Variants in TRABD2B observed in about 807,000 individuals in gnomAD.
The protein encoded by TRABD2B is TraB domain containing 2B.
TRABD2B carries 14 observed loss-of-function variants against 40.1 expected under a neutral mutation model. That is an observed-to-expected ratio of 0.35 (90% CI 0.23 to 0.55). The LOEUF is 0.55. Ranked by LOEUF, TRABD2B falls within the 20% of genes least tolerant of loss-of-function variation. The pLI is 0.90. For missense variants in TRABD2B, 541 were observed against 648.6 expected (o/e 0.83, Z 1.80); for synonymous variants, 263 against 277.0 (o/e 0.95, Z 0.50).
chr1:47,881,750 C>T (rs938125606), intron 2 of TRABD2B, among the ~76,000 whole-genome samples: 1 of 152,180 alleles, frequency 6.6e-6, no homozygotes. Flanking sequence ...GCCAGGCTAT[C>T]TTTTTCACTA....
rs1217256137 is a variant in TRABD2B at position 47,956,838 on chromosome 1, G to C, written c.666+37196C>G. 9.2e-5 allele frequency among the ~76,000 whole-genome samples: 14 copies of C among 152,354 alleles called. No homozygotes were observed. The East Asian group carries it at 2.7e-3, about 29-fold the overall frequency. ...TCTGCAGACTTAAACGTCCCTGTCTGACAGCTTTGAAGAGAGTAGTGGTTC... is the reference window on the plus strand; with the variant it reads ...TCTGCAGACTTAAACGTCCCTGTCTCACAGCTTTGAAGAGAGTAGTGGTTC... On this transcript the variant is annotated intron_variant, in intron 2 of 6. Transcript: ENST00000606738.
rs926498175 is a variant in TRABD2B, at chr1:47,996,746, G to A, written c.44C>T (p.Ala15Val). ...GGGCTGCGGGCGGGCGCGAGCGGTG[G>A]CGAGGAGGGCGGCGAGCAGCGGCCC... Reference protein sequence around the residue: ...LAGPLLAALLATARARPQPPD... With the variant: ...LAGPLLAALLVTARARPQPPD... The change falls in exon 1 of 7, where the codon GCC becomes GTC. Residue 15 changes from alanine to valine, a missense_variant. This residue lies in a region of TRABD2B where 369 missense variants were observed against 492.8 expected (regional missense o/e 0.75). Transcript: ENST00000606738. This position sits in a 1 kb window ranked among gnomAD's most constrained non-coding sequence, Gnocchi z 4.6. 18 of 1,223,466 alleles carry A rather than the reference G, an allele frequency of 1.5e-5. No individual in the cohort carries two copies. The highest frequency in any genetic ancestry group is 1.8e-5 in the Non-Finnish European group (18 of 982,096). The allele number at this position is 1,223,466 out of a possible 1,614,324, so 75.8% of individuals were successfully genotyped here.
intron 2 of TRABD2B, among the ~76,000 whole-genome samples, chr1:47,878,247 C>T (rs1407547153): frequency 2.0e-5 from 3 of 151,962 alleles, no homozygotes; most frequent in South Asian, 2.1e-4. Context: ...ACCCGAGAAG[C>T]GGAGGTTGCA....
At chr1:47,918,148 C>T (rs1038324524) in intron 2 of TRABD2B, among the ~76,000 whole-genome samples, 2 of 152,190 alleles carry the variant, frequency 1.3e-5, no homozygotes, top group South Asian at 2.1e-4. Flanking sequence ...CCTTGAAGTG[C>T]CCTGAGTGGA....
At chr1:47,840,421 G>A (rs1185774617) in intron 2 of TRABD2B, among the ~76,000 whole-genome samples, 1 of 152,178 alleles carries the variant, frequency 6.6e-6, no homozygotes, top group Non-Finnish European at 1.5e-5. Context: ...ATGATTCCAA[G>A]GCAAATCCCC....
At position 47,761,057 on chromosome 1, in the gene TRABD2B, T is replaced by C. The variant is rs1036014802; in HGVS notation, c.*4845A>G. 1 of 152,186 alleles carries C rather than the reference T, an allele frequency of 6.6e-6. No individual in the cohort carries two copies. Among genetic ancestry groups the C allele is most frequent in the African/African-American group, 2.4e-5 (1 of 41,410 alleles). The allele number at this position is 152,186 out of a possible 1,614,324, so 9.4% of individuals were successfully genotyped here. ...CCTGGGAAGAAAGCCAAGCACCTCA[T>C]CTCCATGGAGGCCCAAGATTGTCCA... On this transcript the variant is annotated 3_prime_UTR_variant, in exon 7 of 7. Transcript: ENST00000606738.
intron 2 of TRABD2B, among the ~76,000 whole-genome samples, chr1:47,841,573 G>A (rs918757567): frequency 1.3e-5 from 2 of 152,114 alleles, no homozygotes; most frequent in African/African-American, 2.4e-5. Flanking sequence ...TTACACTGCC[G>A]AGGAGCTCCT....
In TRABD2B at chr1:47,786,913, C is replaced by T. The variant is rs1351791424; in HGVS notation, c.988+7673G>A. Among the ~76,000 whole-genome samples, 6 of 152,102 alleles carry T rather than the reference C, an allele frequency of 3.9e-5. No homozygotes were observed. In the East Asian group the frequency reaches 1.2e-3, roughly 29 times the overall value. On this transcript the variant is annotated intron_variant, in intron 4 of 6. Transcript: ENST00000606738. ...AGAAATGGGGTCTTGGGATATTGCC[C>T]AGGCTGGTCTCAAACTCCTGGCTTC...
In TRABD2B at chr1:47,761,836, CCTT is replaced by C. The variant is rs761716082; in HGVS notation, c.*4063_*4065del. 6 of 152,356 alleles carry C rather than the reference CCTT, an allele frequency of 3.9e-5. No homozygotes were observed. The highest frequency in any genetic ancestry group is 6.5e-5 in the Admixed American group (1 of 15,284). 9.4% of individuals were successfully genotyped at this position (152,356 alleles called of 1,614,324 possible). ...TGGTGGAACTAAGGTCTGCCTCTCT[CCTT>C]CTTTTCTGCCTTCATTCCTTTCTTC... is the stretch of plus-strand genomic sequence containing the variant. On this transcript the variant is annotated 3_prime_UTR_variant, in exon 7 of 7. Transcript: ENST00000606738.
intron 2 of TRABD2B, among the ~76,000 whole-genome samples, chr1:47,880,927 T>A (rs1261339407): frequency 6.6e-6 from 1 of 152,140 alleles, no homozygotes; most frequent in Non-Finnish European, 1.5e-5. Context: ...CTCGCAGCAG[T>A]GAGAACAGCA....
At chr1:47,961,377 T>A (rs931083561) in intron 2 of TRABD2B, among the ~76,000 whole-genome samples, 14 of 152,118 alleles carry the variant, frequency 9.2e-5, no homozygotes, top group African/African-American at 3.4e-4. Flanking sequence ...CTAATTAAAC[T>A]AAAGAGCTTC....
intron 4 of TRABD2B, among the ~76,000 whole-genome samples, chr1:47,786,339 C>T (rs1366510132): frequency 6.6e-6 from 1 of 152,242 alleles, no homozygotes; most frequent in Non-Finnish European, 1.5e-5. Context: ...TTTGTACATT[C>T]TCCTTCACTG....
At chr1:47,844,034 C>A (rs920134749) in intron 2 of TRABD2B, among the ~76,000 whole-genome samples, 1 of 152,166 alleles carries the variant, frequency 6.6e-6, no homozygotes, top group African/African-American at 2.4e-5. Context: ...GTCTTTGAAC[C>A]CCACAAGGAA....
At chr1:47,812,963 G>A (rs993950218) in intron 2 of TRABD2B, among the ~76,000 whole-genome samples, 2 of 152,156 alleles carry the variant, frequency 1.3e-5, no homozygotes, top group Admixed American at 6.5e-5. Flanking sequence ...TCAGAGATGA[G>A]CTGACTGAGG....
intron 2 of TRABD2B, among the ~76,000 whole-genome samples, chr1:47,934,427 T>C (rs1358994968): frequency 6.6e-6 from 1 of 152,226 alleles, no homozygotes; most frequent in Admixed American, 6.5e-5. Context: ...TGCTGCTGCA[T>C]CACTCACAGA....
intron 2 of TRABD2B, among the ~76,000 whole-genome samples, chr1:47,894,895 C>T (rs1039564545): frequency 1.4e-4 from 21 of 152,096 alleles, no homozygotes; most frequent in African/African-American, 4.3e-4. Context: ...AGTGGCCAGA[C>T]GTGGCCACAG....
chr1:47,872,667 A>G (rs866051623), intron 2 of TRABD2B, among the ~76,000 whole-genome samples: 7 of 152,210 alleles, frequency 4.6e-5, no homozygotes, highest in Non-Finnish European at 7.3e-5. Context: ...TGAGATGTCT[A>G]CTAAGAAGCT....
intron 2 of TRABD2B, among the ~76,000 whole-genome samples, chr1:47,893,070 A>G (rs1451210808): frequency 6.6e-6 from 1 of 152,176 alleles, no homozygotes; most frequent in African/African-American, 2.4e-5. Flanking sequence ...CAGTGGTGAG[A>G]CAGGTCTATG....
chr1:47,863,828 G>A (rs10749871), intron 2 of TRABD2B, among the ~76,000 whole-genome samples: 113,833 of 152,152 alleles, frequency 0.75, 42,968 homozygotes, highest in East Asian at 0.98. Flanking sequence ...CATAATTGAC[G>A]GAACTTGGAA....
Sources: gnomAD v4.1 joint callset for allele counts (sites outside exome capture counted in the v4.1 genomes callset) on GRCh38, gnomAD v4.1.1 for gene constraint, gnomAD v4.1.1 regional missense constraint, Gnocchi (gnomAD v3.1) non-coding constraint, MANE v1.5 for transcripts, NCBI Gene and HGNC (gene_info 2026-07-23, HGNC 2026-07-21) for gene names.